Variants in HMCN1 observed in about 807,000 individuals in gnomAD.
HMCN1 encodes hemicentin 1.
A neutral mutation model predicts 625.9 loss-of-function variants in HMCN1; 321 were observed. That is an observed-to-expected ratio of 0.51 (90% confidence interval 0.47 to 0.56). The LOEUF is 0.56. Ranked by LOEUF, HMCN1 falls within the 20% of genes least tolerant of loss-of-function variation. HMCN1 has a pLI of 0.00. For synonymous variants in HMCN1, 2,425 were observed against 2,417.6 expected (o/e 1.00, Z -0.09); for missense variants, 6,588 against 6,887.3 (o/e 0.96, Z 1.54).
Position 185,989,574 on chromosome 1 carries a change from G to C in HMCN1, c.3135G>C (p.Glu1045Asp). The C allele has an allele frequency of 6.2e-7, 1 of 1,614,058 alleles. No homozygotes were observed. The highest frequency in any genetic ancestry group is 8.5e-7 in the Non-Finnish European group (1 of 1,179,968). ...ATGTGGTATCACCTGGAGGAGAGGA[G>C]AGTGGGGAGTATGTCTGCACTGCCA... ...SLYVVSPGGE[E>D]SGEYVCTATN... Residue 1045 changes from glutamate (E) to aspartate (D), a missense_variant, in exon 21 of 107, where the codon GAG becomes GAC. Physicochemically the swap from Glu to Asp is conservative, Grantham distance 45. This residue lies in a region of HMCN1 where 4,628 missense variants were observed against 4,853.1 expected (regional missense o/e 0.95). Transcript: ENST00000271588.
At chr1:185,812,122 T>C (rs1659558163) in intron 1 of HMCN1, among the ~76,000 whole-genome samples, 1 of 151,840 alleles carries the variant, frequency 6.6e-6, no homozygotes, top group Admixed American at 6.6e-5. Flanking sequence ...TAAAAGTTTT[T>C]ATCTGCTTAA....
At chr1:185,869,242 A>G (rs921252545) in intron 4 of HMCN1, among the ~76,000 whole-genome samples, 2 of 152,224 alleles carry the variant, frequency 1.3e-5, no homozygotes, top group Non-Finnish European at 2.9e-5. Context: ...TGCATCTTAA[A>G]TGATAAAACT....
At chr1:186,064,514 A>C (rs77963633) in intron 48 of HMCN1, among the ~76,000 whole-genome samples, 6,633 of 152,182 alleles carry the variant, frequency 0.044, 491 homozygotes, top group African/African-American at 0.15. Flanking sequence ...ATCTTTTAGA[A>C]AATTTTTCTA....
chr1:186,141,470 C>T (rs1649958031), intron 89 of HMCN1, among the ~76,000 whole-genome samples: 1 of 152,150 alleles, frequency 6.6e-6, no homozygotes, highest in South Asian at 2.1e-4. Context: ...TTCCCTGCCC[C>T]AGTTAGTTAG....
intron 29 of HMCN1, among the ~76,000 whole-genome samples, chr1:186,004,573 T>C (rs1200667960): frequency 6.6e-6 from 1 of 152,162 alleles, no homozygotes; most frequent in Non-Finnish European, 1.5e-5. Flanking sequence ...AATAATTTGA[T>C]GAATAATAAA....
Position 185,928,642 on chromosome 1 carries a change from G to A in HMCN1, c.1527G>A (p.Arg509=), listed in dbSNP as rs1311001822. 2 of 1,613,336 alleles carry A rather than the reference G, an allele frequency of 1.2e-6. No homozygotes were observed. Among genetic ancestry groups the A allele is most frequent in the African/African-American group, 1.3e-5 (1 of 74,862 alleles). ...CIAVSSAGTG[R]AQTFFDVSEP... ...CTGTCAGCAGTGCAGGTACTGGACG[G>A]GCACAGACATTTTTTGACGTATCAG... The change falls in exon 10 of 107, where the codon CGG becomes CGA. Residue 509 remains arginine (R), a synonymous_variant. Transcript: ENST00000271588.
At chr1:185,929,371 C>T in intron 10 of HMCN1, among the ~76,000 whole-genome samples, 1 of 152,024 alleles carries the variant, frequency 6.6e-6, no homozygotes, top group South Asian at 2.1e-4. Flanking sequence ...ATTTTATATA[C>T]ATTAAAGTGA....
chr1:186,034,865 T>C (rs182250211), intron 36 of HMCN1, among the ~76,000 whole-genome samples: 4 of 152,298 alleles, frequency 2.6e-5, no homozygotes, highest in African/African-American at 9.6e-5. Flanking sequence ...GAGGAGTAGA[T>C]TTTTTGAGTC....
chr1:185,960,721 G>T (rs1649952360), intron 11 of HMCN1, among the ~76,000 whole-genome samples: 1 of 152,222 alleles, frequency 6.6e-6, no homozygotes, highest in Non-Finnish European at 1.5e-5. Flanking sequence ...AAAATTCTGA[G>T]AGTTGCTTGA....
chr1:185,772,716 G>A (rs1656328616), intron 1 of HMCN1, among the ~76,000 whole-genome samples: 1 of 151,806 alleles, frequency 6.6e-6, no homozygotes, highest in African/African-American at 2.4e-5. Flanking sequence ...CATTTGTGCT[G>A]CTATAACAGA....
intron 100 of HMCN1, among the ~76,000 whole-genome samples, chr1:186,170,991 T>TC (rs1485380725): frequency 6.6e-6 from 1 of 152,190 alleles, no homozygotes; most frequent in Non-Finnish European, 1.5e-5. Context: ...TGGAGTTTTT[T>TC]CCCTCTGTCT....
rs568403027 is a variant in HMCN1 at position 186,059,946 on chromosome 1, C to T, written c.7313-1905C>T. Among the ~76,000 whole-genome samples the T allele has an allele frequency of 1.6e-4, 25 of 152,130 alleles. No individual in the cohort carries two copies. In the East Asian group the frequency reaches 4.6e-3, roughly 28 times the overall value. On this transcript the variant is annotated intron_variant, in intron 46 of 106. Coordinates refer to ENST00000271588, the MANE Select transcript of HMCN1 (RefSeq NM_031935.3). The stretch of plus-strand genomic sequence containing the variant: ...GCAGTGATTCATAAAAGTTGTATTG[C>T]TTTAATACCTCTCAACTGGAATCAT...
At chr1:185,949,931 T>C (rs1453578646) in intron 11 of HMCN1, among the ~76,000 whole-genome samples, 1 of 151,770 alleles carries the variant, frequency 6.6e-6, no homozygotes, top group African/African-American at 2.4e-5. Flanking sequence ...TGAGGATAGA[T>C]TTCCACGATG....
At chr1:185,782,626 G>A (rs1657218260) in intron 1 of HMCN1, among the ~76,000 whole-genome samples, 1 of 152,194 alleles carries the variant, frequency 6.6e-6, no homozygotes, top group South Asian at 2.1e-4. Flanking sequence ...GGCTGGATAT[G>A]AAATTCTGGG....
chr1:186,049,169 G>A (rs745510158), intron 42 of HMCN1, among the ~76,000 whole-genome samples: 5 of 151,938 alleles, frequency 3.3e-5, no homozygotes, highest in Non-Finnish European at 7.4e-5. Context: ...AAGAAAATAA[G>A]CCAAAAGGCC....
chr1:185,959,934 G>A (rs150900352), intron 11 of HMCN1, among the ~76,000 whole-genome samples: 1 of 152,134 alleles, frequency 6.6e-6, no homozygotes, highest in African/African-American at 2.4e-5. Context: ...ATTAAAATGA[G>A]GAGGTTTTTC....
chr1:186,073,835 G>C (rs1348033015), intron 52 of HMCN1, among the ~76,000 whole-genome samples: 1 of 151,926 alleles, frequency 6.6e-6, no homozygotes, highest in Non-Finnish European at 1.5e-5. Flanking sequence ...AGAAAACTAG[G>C]AAGTGATAGT....
rs773919365 is a variant in HMCN1 at position 186,171,456 on chromosome 1, A to G, written c.15688+6A>G. ...CAAAGGCAGAAAATGCATGGGTAAG[A>G]AAAGGGCTTTGAATTTAAAGGAATG... is the stretch of plus-strand genomic sequence containing the variant. On this transcript the variant is annotated splice_donor_region_variant and intron_variant, in intron 101 of 106. Coordinates refer to ENST00000271588, the MANE Select transcript of HMCN1 (RefSeq NM_031935.3). 6.3e-7 allele frequency: 1 copy of G among 1,592,152 alleles called. No homozygotes were observed. Among genetic ancestry groups the G allele is most frequent in the South Asian group, 1.1e-5 (1 of 90,606 alleles).
chr1:185,829,754 C>T (rs558427202), intron 1 of HMCN1, among the ~76,000 whole-genome samples: 10 of 152,144 alleles, frequency 6.6e-5, no homozygotes, highest in South Asian at 2.1e-4. Flanking sequence ...ATTTATAATC[C>T]GTTGGGTATC....
Sources: allele counts gnomAD v4.1 joint callset (sites outside exome capture counted in the v4.1 genomes callset), GRCh38; gene constraint gnomAD v4.1.1; regional missense constraint gnomAD v4.1.1; transcripts MANE v1.5; gene names NCBI Gene and HGNC (gene_info 2026-07-23, HGNC 2026-07-21).